The following LIN28B variants were observed in gnomAD, a reference collection of about 807,000 sequenced individuals.
LIN28B encodes lin-28 RNA binding posttranscriptional regulator B.
A neutral mutation model predicts 21.9 loss-of-function variants in LIN28B; 5 were observed. The ratio of observed to expected loss-of-function variants is 0.23; its 90% CI spans 0.12 to 0.48. The LOEUF is 0.48. LIN28B is among the 20% of genes least tolerant of loss of function. LIN28B has a pLI of 0.98. For synonymous variants in LIN28B, 109 were observed against 111.3 expected (o/e 0.98, Z 0.13); for missense variants, 245 against 310.5 (o/e 0.79, Z 1.58).
chr6:104,964,271 T>G (rs1769812075), intron 2 of LIN28B, among the ~76,000 whole-genome samples: 1 of 152,176 alleles, frequency 6.6e-6, no homozygotes, highest in Non-Finnish European at 1.5e-5. Context: ...CAAGAGATAC[T>G]CCCTCCTCAG....
chr6:105,016,982 A>G (rs1415565487), intron 2 of LIN28B, among the ~76,000 whole-genome samples: 10 of 148,880 alleles, frequency 6.7e-5, no homozygotes, highest in Admixed American at 1.4e-4. Flanking sequence ...CTGAAGTGAG[A>G]GGAGCCCTTG....
intron 3 of LIN28B, among the ~76,000 whole-genome samples, chr6:105,065,884 G>A (rs1178800003): frequency 6.6e-6 from 1 of 152,134 alleles, no homozygotes; most frequent in Admixed American, 6.5e-5. Flanking sequence ...AATGCAGGGG[G>A]CTGGGGGTAT....
intron 2 of LIN28B, among the ~76,000 whole-genome samples, chr6:104,989,793 T>C (rs1230830921): frequency 6.6e-6 from 1 of 151,956 alleles, no homozygotes; most frequent in Non-Finnish European, 1.5e-5. Context: ...AATTTCACCA[T>C]GTTGGCCTGG....
At chr6:104,985,148 C>G (rs940853043) in intron 2 of LIN28B, among the ~76,000 whole-genome samples, 11 of 152,318 alleles carry the variant, frequency 7.2e-5, no homozygotes, top group Admixed American at 5.9e-4. Flanking sequence ...TTTTGTCTTA[C>G]TCTTCCAGGT....
intron 3 of LIN28B, among the ~76,000 whole-genome samples, chr6:105,060,689 G>T (rs1772108161): frequency 6.6e-6 from 1 of 152,142 alleles, no homozygotes; most frequent in South Asian, 2.1e-4. Flanking sequence ...AAAATATAGT[G>T]ACTTTTTCAA....
chr6:105,071,319 G>C (rs221633), intron 3 of LIN28B, among the ~76,000 whole-genome samples: 127,170 of 152,138 alleles, frequency 0.84, 53,252 homozygotes, highest in Non-Finnish European at 0.86. Flanking sequence ...GGAGATCTTT[G>C]CATGTCAATA....
intron 2 of LIN28B, among the ~76,000 whole-genome samples, chr6:105,011,130 A>G (rs551358289): frequency 1.3e-5 from 2 of 152,274 alleles, no homozygotes; most frequent in South Asian, 4.2e-4. Flanking sequence ...AACATAGGAA[A>G]GGGCCAGTAT....
intron 2 of LIN28B, among the ~76,000 whole-genome samples, chr6:104,963,714 A>G (rs1215442556): frequency 6.6e-6 from 1 of 152,178 alleles, no homozygotes; most frequent in Admixed American, 6.5e-5. Context: ...ATTTGTTTCA[A>G]TTAATGAATG....
chr6:104,983,253 C>T (rs1314144011), intron 2 of LIN28B, among the ~76,000 whole-genome samples: 1 of 152,178 alleles, frequency 6.6e-6, no homozygotes, highest in East Asian at 1.9e-4. Flanking sequence ...AACCATGCAT[C>T]TGGGTATCTT....
chr6:105,041,777 C>T (rs938988669), intron 3 of LIN28B, among the ~76,000 whole-genome samples: 1 of 152,078 alleles, frequency 6.6e-6, no homozygotes, highest in Non-Finnish European at 1.5e-5. Context: ...AAGGCCTGAC[C>T]CTAGACTTAA....
intron 3 of LIN28B, among the ~76,000 whole-genome samples, chr6:105,067,094 G>T (rs1180683347): frequency 6.6e-6 from 1 of 152,178 alleles, no homozygotes; most frequent in Non-Finnish European, 1.5e-5. Context: ...TTTCGGCAAG[G>T]CTGCTCTAAT....
At chr6:105,048,675 T>G (rs1436749918) in intron 3 of LIN28B, among the ~76,000 whole-genome samples, 1 of 152,206 alleles carries the variant, frequency 6.6e-6, no homozygotes, top group Non-Finnish European at 1.5e-5. Context: ...GGGCTATTAA[T>G]TATTGCCTCA....
At chr6:104,994,762 C>T (rs454568) in intron 2 of LIN28B, among the ~76,000 whole-genome samples, 76,107 of 151,992 alleles carry the variant, frequency 0.5, 20,310 homozygotes, top group East Asian at 0.69. Context: ...GATGAGAGGA[C>T]GGTGTGAGAC....
intron 2 of LIN28B, among the ~76,000 whole-genome samples, chr6:104,980,234 C>G (rs1402571764): frequency 6.6e-6 from 1 of 152,072 alleles, no homozygotes; most frequent in African/African-American, 2.4e-5. Flanking sequence ...TAGGTTTATA[C>G]AAGTTTTGAT....
intron 2 of LIN28B, among the ~76,000 whole-genome samples, chr6:104,940,024 T>A (rs1055978153): frequency 2.0e-5 from 3 of 152,164 alleles, no homozygotes; most frequent in Non-Finnish European, 4.4e-5. Context: ...CCAGATCTTG[T>A]GGCTCTTTGA....
intron 3 of LIN28B, among the ~76,000 whole-genome samples, chr6:105,054,709 T>C (rs925080501): frequency 1.3e-5 from 2 of 152,320 alleles, no homozygotes; most frequent in Middle Eastern, 3.4e-3. Context: ...TGGAGGGACA[T>C]TCATCACCTT....
At chr6:104,995,883 A>G (rs573099444) in intron 2 of LIN28B, among the ~76,000 whole-genome samples, 22 of 151,884 alleles carry the variant, frequency 1.4e-4, no homozygotes, top group Non-Finnish European at 2.8e-4. Flanking sequence ...GGGCTTATAT[A>G]ATGAAGGGAA....
intron 3 of LIN28B, among the ~76,000 whole-genome samples, chr6:105,041,192 G>A (rs6571216): frequency 0.071 from 10,847 of 152,098 alleles, 1,276 homozygotes; most frequent in African/African-American, 0.25. Context: ...GATTACAGGT[G>A]TGAGCCACCA....
upstream of LIN28B, among the ~76,000 whole-genome samples, chr6:104,953,487 G>A (rs1269623855): frequency 6.6e-6 from 1 of 152,224 alleles, no homozygotes; most frequent in African/African-American, 2.4e-5. Flanking sequence ...CCATAGTAGT[G>A]AAGGCAGGGA....
Sources: allele counts gnomAD v4.1 joint callset (sites outside exome capture counted in the v4.1 genomes callset), GRCh38; gene constraint gnomAD v4.1.1; transcripts MANE v1.5; gene names NCBI Gene and HGNC (gene_info 2026-07-23, HGNC 2026-07-21).